Variants in FBXO22 observed in about 807,000 individuals in gnomAD.
The protein encoded by FBXO22 is F-box only protein 22.
Under a neutral mutation model 37.2 loss-of-function variants are expected in FBXO22, and 13 were observed. The observed-to-expected ratio is 0.35, with a 90% CI of 0.23 to 0.56. The LOEUF (loss-of-function observed/expected upper bound fraction) is 0.56, where lower values mean the gene tolerates loss of function less well. Among genes scored for constraint, FBXO22 ranks in the 20% least tolerant of loss-of-function variants. FBXO22 has a pLI of 0.87. For missense variants in FBXO22, 446 were observed against 509.9 expected, an observed-to-expected ratio of 0.87 and a Z score of 1.21; for synonymous variants, 189 against 189.1, an observed-to-expected ratio of 1.00 and a Z score of 0.00.
rs907187986 is a variant in FBXO22 at position 75,940,803 on chromosome 15, C to T, written c.*7701C>T. ...ACATGGCTAACTAACAAAGTTGCAA[C>T]CTCACTCATTTGCAAAAATTAACTC... On this transcript the variant is annotated 3_prime_UTR_variant, in exon 7 of 7. Transcript: ENST00000308275. 1 of 151,914 alleles carries T rather than the reference C, an allele frequency of 6.6e-6. No homozygotes were observed. The highest frequency in any genetic ancestry group is 6.6e-5 in the Admixed American group (1 of 15,256). 9.4% of individuals were successfully genotyped at this position (151,914 alleles called of 1,614,324 possible). A position where few individuals can be genotyped will look rare whatever the true frequency, so the allele number is the denominator to read the frequency against.
At chr15:75,931,785 AAAAC>A (rs1410412432) in intron 6 of FBXO22, among the ~76,000 whole-genome samples, 3 of 152,248 alleles carry the variant, frequency 2.0e-5, no homozygotes, top group Non-Finnish European at 4.4e-5. Flanking sequence ...AATATAAACA[AAAAC>A]AAAGCATGAG....
At position 75,933,104 on chromosome 15, in the gene FBXO22, AATT is replaced by A. The variant is rs1467162243; in HGVS notation, c.*4_*6del. ...ATACATCTGGGGTCATCTAAATAAT[AATT>A]AAAGTGGCTTTCATAATATGTAACT... On this transcript the variant is annotated 3_prime_UTR_variant, in exon 7 of 7. Transcript: ENST00000308275. 6.3e-7 allele frequency: 1 copy of A among 1,584,794 alleles called. No individual in the cohort carries two copies.
chr15:75,909,351 A>G (rs1899997536), intron 2 of FBXO22, among the ~76,000 whole-genome samples: 1 of 152,200 alleles, frequency 6.6e-6, no homozygotes, highest in African/African-American at 2.4e-5. Flanking sequence ...GAACAGAGCA[A>G]TAGAACATAT....
chr15:75,913,182 A>ATTTTTTTT, intron 2 of FBXO22, 21 bp from the exon 3 acceptor site: 1 of 1,178,224 alleles, frequency 8.5e-7, no homozygotes, highest in Non-Finnish European at 1.2e-6. Context: ...TCCAATTCCA[A>ATTTTTTTT]TTTTTTTTTT....
chr15:75,929,795 G>A (rs1459013681), intron 5 of FBXO22, 89 bp from the exon 6 acceptor site: 72 of 1,515,266 alleles, frequency 4.8e-5, no homozygotes, highest in Non-Finnish European at 6.4e-5. Flanking sequence ...AAGGTGGAGT[G>A]CAAGTCAGTA....
At chr15:75,912,907 T>C (rs1469358582) in intron 2 of FBXO22, among the ~76,000 whole-genome samples, 1 of 152,258 alleles carries the variant, frequency 6.6e-6, no homozygotes, top group Non-Finnish European at 1.5e-5. Context: ...CATTTAGTGC[T>C]ATAAATTTCC....
chr15:75,916,641 C>T (rs1900197591), intron 4 of FBXO22, among the ~76,000 whole-genome samples: 1 of 152,138 alleles, frequency 6.6e-6, no homozygotes, highest in Admixed American at 6.5e-5. Context: ...GTAATATCTA[C>T]CTGTAAAATT....
chr15:75,907,779 A>T (rs1899961919), intron 2 of FBXO22, among the ~76,000 whole-genome samples: 1 of 151,902 alleles, frequency 6.6e-6, no homozygotes, highest in Admixed American at 6.6e-5. Flanking sequence ...AAATAAAAAT[A>T]TTAAAGTACA....
At chr15:75,924,370 C>T (rs1238761046) in intron 5 of FBXO22, among the ~76,000 whole-genome samples, 1 of 152,150 alleles carries the variant, frequency 6.6e-6, no homozygotes, top group African/African-American at 2.4e-5. Context: ...CATTTCTTAG[C>T]TTTTGTTTTA....
chr15:75,930,817 G>A (rs1247463793), intron 6 of FBXO22: 1 of 985,238 alleles, frequency 1.0e-6, no homozygotes, highest in Non-Finnish European at 1.2e-6. Flanking sequence ...TTCCCACTCT[G>A]TTTAATATTT....
At chr15:75,917,120 CT>C (rs1423660164) in intron 4 of FBXO22, 109 bp from the exon 5 acceptor site, 1 of 790,506 alleles carries the variant, frequency 1.3e-6, no homozygotes, top group South Asian at 1.8e-5. Context: ...AGCTGAAAAA[CT>C]TTTACTCAGA....
rs1192587781 is a variant in FBXO22, at chr15:75,939,000, A to C, written c.*5898A>C. On this transcript the variant is annotated 3_prime_UTR_variant, in exon 7 of 7. Transcript: ENST00000308275. Reference sequence around the variant, plus strand: ...TTTGTAGACATAAATGCTTACATTAAAAAACAAAAAAGACCTCATGTCAAC... The same window carrying C: ...TTTGTAGACATAAATGCTTACATTACAAAACAAAAAAGACCTCATGTCAAC... 6.6e-6 allele frequency: 1 copy of C among 152,214 alleles called. No individual in the cohort carries two copies. Among genetic ancestry groups the C allele is most frequent in the African/African-American group, 2.4e-5 (1 of 41,470 alleles). The allele number at this position is 152,214 out of a possible 1,614,324, so 9.4% of individuals were successfully genotyped here. A position where few individuals can be genotyped will look rare whatever the true frequency, so the allele number is the denominator to read the frequency against.
At position 75,904,067 on chromosome 15, in the gene FBXO22, C is replaced by A. The variant is rs1377869208; in HGVS notation, c.104C>A (p.Thr35Asn). The change falls in exon 1 of 7, where the codon ACC becomes AAC. Residue 35 changes from threonine (T) to asparagine (N), a missense_variant. Thr to Asn is a moderately conservative substitution (Grantham distance 65). Around this residue, in one of 2 missense-constraint regions of FBXO22, gnomAD observed 131 missense variants for 99.8 expected, o/e 1.31. Coordinates refer to ENST00000308275, the MANE Select transcript of FBXO22 (RefSeq NM_147188.3). ...GCGGAGGTGGTGGAGCGTGTGCTCA[C>A]CTTCCTGCCCGCCAAGGCGTTGCTG... ...NLAEVVERVL[T>N]FLPAKALLRV... 6.4e-7 allele frequency: 1 copy of A among 1,552,118 alleles called. No individual in the cohort carries two copies. Among genetic ancestry groups the A allele is most frequent in the Non-Finnish European group, 8.7e-7 (1 of 1,146,762 alleles).
intron 5 of FBXO22, among the ~76,000 whole-genome samples, chr15:75,927,783 TGTTA>T (rs1396954060): frequency 2.0e-5 from 3 of 152,078 alleles, no homozygotes; most frequent in Non-Finnish European, 4.4e-5. Flanking sequence ...CATTATTTGG[TGTTA>T]GTAATTGGTC....
rs1341373448 is a variant in FBXO22 at position 75,932,747 on chromosome 15, A to G, written c.857A>G (p.Gln286Arg). The change falls in exon 7 of 7, where the codon CAG becomes CGG. Residue 286 changes from glutamine to arginine, a missense_variant. By Grantham distance (43) the Gln-to-Arg change is conservative. Around this residue, in one of 2 missense-constraint regions of FBXO22, gnomAD observed 315 missense variants for 410.1 expected, o/e 0.77. Transcript: ENST00000308275. ...VGLSFSGHRI[Q>R]SATVLLNEDV... The stretch of plus-strand genomic sequence containing the variant: ...CTGTCATTTAGTGGACACCGAATCC[A>G]GAGTGCCACTGTGCTCCTCAACGAG... 2.5e-6 allele frequency: 4 copies of G among 1,614,214 alleles called. No homozygotes were observed. Among genetic ancestry groups the G allele is most frequent in the Non-Finnish European group, 3.4e-6 (4 of 1,180,036 alleles).
Position 75,932,953 on chromosome 15 carries a change from T to C in FBXO22, c.1063T>C (p.Phe355Leu), listed in dbSNP as rs753799726. The C allele has an allele frequency of 6.2e-7, 1 of 1,614,268 alleles. No individual in the cohort carries two copies. Among genetic ancestry groups the C allele is most frequent in the African/African-American group, 1.3e-5 (1 of 75,066 alleles). ...AAAGTTTTTTCCTAGTGTTCCCTTA[T>C]TCGGCTTCTTTGGAAATGGAGAAAT... Reference protein sequence around the residue: ...FRKFFPSVPLFGFFGNGEIGC... With the variant: ...FRKFFPSVPLLGFFGNGEIGC... Residue 355 changes from phenylalanine to leucine, a missense_variant, in exon 7 of 7, where the codon TTC becomes CTC. Physicochemically the swap from Phe to Leu is conservative, Grantham distance 22. Transcript: ENST00000308275.
At position 75,932,958 on chromosome 15, in the gene FBXO22, C is replaced by T. The variant is rs34255722; in HGVS notation, c.1068C>T (p.Gly356=). Residue 356 remains glycine (G), a synonymous_variant, in exon 7 of 7, where the codon GGC becomes GGT. Coordinates refer to ENST00000308275, the MANE Select transcript of FBXO22 (RefSeq NM_147188.3). The stretch of plus-strand genomic sequence containing the variant: ...TTTTTCCTAGTGTTCCCTTATTCGG[C>T]TTCTTTGGAAATGGAGAAATTGGAT... The part of the protein sequence containing the change: ...RKFFPSVPLF[G]FFGNGEIGCD... The T allele has an allele frequency of 4.7e-4, 760 of 1,614,192 alleles. 5 individuals carry two copies. The African/African-American group carries it at 9.2e-3, about 20-fold the overall frequency.
intron 5 of FBXO22, among the ~76,000 whole-genome samples, 159 bp from the exon 6 acceptor site, chr15:75,929,724 TA>T (rs2029942840): frequency 6.6e-6 from 1 of 152,130 alleles, no homozygotes; most frequent in Non-Finnish European, 1.5e-5. Context: ...GAAGAGGATA[TA>T]AAATAAGATA....
Position 75,941,135 on chromosome 15 carries a change from G to C in FBXO22, c.*8033G>C, listed in dbSNP as rs1201962098. 6.6e-6 allele frequency: 1 copy of C among 152,134 alleles called. No individual in the cohort carries two copies. Among genetic ancestry groups the C allele is most frequent in the Non-Finnish European group, 1.5e-5 (1 of 67,974 alleles). 9.4% of individuals were successfully genotyped at this position (152,134 alleles called of 1,614,324 possible). A position where few individuals can be genotyped will look rare whatever the true frequency, so the allele number is the denominator to read the frequency against. On this transcript the variant is annotated 3_prime_UTR_variant, in exon 7 of 7. Coordinates refer to ENST00000308275, the MANE Select transcript of FBXO22 (RefSeq NM_147188.3). The stretch of plus-strand genomic sequence containing the variant: ...TAAAAAATGGCAAAGGATTTGGATA[G>C]ATCTCCAGAGAGGACATGCAGATAG...
Sources: gnomAD v4.1 joint callset for allele counts (sites outside exome capture counted in the v4.1 genomes callset) on GRCh38, gnomAD v4.1.1 for gene constraint, gnomAD v4.1.1 regional missense constraint, MANE v1.5 for transcripts, NCBI Gene and HGNC (gene_info 2026-07-23, HGNC 2026-07-21) for gene names.